The following DST variants were observed in gnomAD, a reference collection of about 807,000 sequenced individuals.
DST encodes the protein bullous pemphigoid antigen.
In DST, 253 loss-of-function variants were observed where a neutral mutation model predicts 875.2. The ratio of observed to expected loss-of-function variants is 0.29; its 90% CI spans 0.26 to 0.32. The LOEUF (loss-of-function observed/expected upper bound fraction) is 0.32. Among genes scored for constraint, DST ranks in the 10% least tolerant of loss-of-function variants. DST has a pLI of 1.00. For missense variants in DST, 8,287 were observed against 9,111.6 expected, an observed-to-expected ratio of 0.91 and a Z score of 3.68; for synonymous variants, 3,124 against 3,197.1, an observed-to-expected ratio of 0.98 and a Z score of 0.77.
intron 36 of DST, chr6:56,620,425 A>T (rs763346852): frequency 6.2e-7 from 1 of 1,614,016 alleles, no homozygotes; most frequent in East Asian, 2.2e-5. Context: ...TCTCTCTCAC[A>T]ATGGTTTCAA....
intron 4 of DST, among the ~76,000 whole-genome samples, chr6:56,749,456 G>C (rs1405503225): frequency 2.6e-5 from 4 of 152,110 alleles, no homozygotes; most frequent in Non-Finnish European, 5.9e-5. Flanking sequence ...AACATAATCA[G>C]TTTTTCTTGA....
At chr6:56,879,637 T>C (rs527323467) in intron 3 of DST, among the ~76,000 whole-genome samples, 1 of 152,252 alleles carries the variant, frequency 6.6e-6, no homozygotes, top group Non-Finnish European at 1.5e-5. Context: ...GTTAATTCCA[T>C]CTTATATCAT....
chr6:56,702,086 A>AT (rs1261802580), intron 7 of DST, 121 bp from the exon 8 acceptor site: 19 of 555,166 alleles, frequency 3.4e-5, no homozygotes, highest in Non-Finnish European at 5.3e-5. Context: ...AGGTAAGGCC[A>AT]TAAGATTTTC....
intron 2 of DST, among the ~76,000 whole-genome samples, chr6:56,905,442 C>G (rs1184779650): frequency 6.6e-6 from 1 of 152,100 alleles, no homozygotes; most frequent in Non-Finnish European, 1.5e-5. Flanking sequence ...TGGCAACTAC[C>G]ATTCTACTCT....
intron 100 of DST, chr6:56,463,990 T>C (rs1323991446): frequency 7.7e-6 from 5 of 645,478 alleles, no homozygotes; most frequent in South Asian, 1.5e-5. Flanking sequence ...AAAAATAAAG[T>C]GTGCTTATTC....
intron 53 of DST, 108 bp from the exon 54 acceptor site, chr6:56,570,120 C>T (rs770969387): frequency 3.0e-5 from 23 of 778,400 alleles, no homozygotes; most frequent in Non-Finnish European, 4.2e-5. Context: ...GTACTCTAAC[C>T]CTTTGATACA....
chr6:56,557,117 A>T (rs1405209891), intron 59 of DST, among the ~76,000 whole-genome samples: 2 of 152,230 alleles, frequency 1.3e-5, no homozygotes, highest in African/African-American at 4.8e-5. Context: ...GAGGCCTCTA[A>T]GATGCCTTAT....
chr6:56,562,571 T>G (rs1242429233), intron 55 of DST, among the ~76,000 whole-genome samples: 3 of 151,630 alleles, frequency 2.0e-5, no homozygotes, highest in Non-Finnish European at 4.4e-5. Flanking sequence ...TTTAGTTTTT[T>G]TTTAATTTGT....
chr6:56,515,488 C>T lies in DST; in HGVS notation c.18538G>A (p.Glu6180Lys). The change falls in exon 72 of 104, where the codon GAA (glutamate) becomes AAA (lysine). Residue 6180 changes from glutamate to lysine, a missense_variant. Physicochemically the swap from Glu to Lys is moderately conservative, Grantham distance 56. Around this residue, in one of 10 missense-constraint regions of DST, gnomAD observed 1,292 missense variants for 1,552.7 expected, o/e 0.83. Transcript: ENST00000680361. ...IISQLPAPAL[E>K]YETLRQQQEE... Reference sequence around the variant, plus strand: ...TGCTGCTGCCTTAGAGTTTCATATTCAAGGGCTGGGGCGGGAAGCTGAGAG... The same window carrying T: ...TGCTGCTGCCTTAGAGTTTCATATTTAAGGGCTGGGGCGGGAAGCTGAGAG... 1 of 1,613,892 alleles carries T rather than the reference C, an allele frequency of 6.2e-7. No homozygotes were observed. The highest frequency in any genetic ancestry group is 1.1e-5 in the South Asian group (1 of 91,076).
chr6:56,658,183 C>T (rs1045149785), intron 10 of DST, among the ~76,000 whole-genome samples: 1 of 152,158 alleles, frequency 6.6e-6, no homozygotes, highest in Non-Finnish European at 1.5e-5. Flanking sequence ...CTGCCTCAGC[C>T]CAGCCTCCCG....
At chr6:56,770,290 T>C (rs998826165) in intron 4 of DST, among the ~76,000 whole-genome samples, 2 of 152,228 alleles carry the variant, frequency 1.3e-5, no homozygotes, top group Admixed American at 1.3e-4. Flanking sequence ...TTTCAACATT[T>C]GGTCTGTTTG....
chr6:56,941,770 C>T (rs554146880), intron 2 of DST, among the ~76,000 whole-genome samples: 5 of 152,142 alleles, frequency 3.3e-5, no homozygotes, highest in East Asian at 3.9e-4. Context: ...CATGAGCCAC[C>T]GTGCCTGGCC....
Position 56,512,258 on chromosome 6 carries a change from G to A in DST, c.18577-858C>T, listed in dbSNP as rs115285613. 9.0e-3 allele frequency among the ~76,000 whole-genome samples: 1,371 copies of A among 152,274 alleles called. 21 individuals are homozygous for A. The highest frequency in any genetic ancestry group is 0.032 in the African/African-American group (1,316 of 41,536). On this transcript the variant is annotated intron_variant, in intron 72 of 103. Coordinates refer to ENST00000680361, the MANE Select transcript of DST (RefSeq NM_001374736.1). ...AATACAATGATATTTATACTAGTGC[G>A]TGGGTGTAGAATTCAAGTGGATCCC...
At chr6:56,933,633 T>A (rs1385660044) in intron 2 of DST, among the ~76,000 whole-genome samples, 1 of 152,082 alleles carries the variant, frequency 6.6e-6, no homozygotes, top group Non-Finnish European at 1.5e-5. Flanking sequence ...TAAGTAGAAA[T>A]GGGAGTTTGC....
chr6:56,634,553 C>T lies in DST; in HGVS notation c.3403G>A (p.Val1135Ile), dbSNP rs1379581084. The change falls in exon 26 of 104, where the codon GTC (valine) becomes ATC (isoleucine). Residue 1135 changes from valine to isoleucine, a missense_variant. Physicochemically the swap from Val to Ile is conservative, Grantham distance 29. This residue lies in a region of DST where 1,160 missense variants were observed against 1,424.3 expected (regional missense o/e 0.81). Transcript: ENST00000680361. ...GCCTCATTCCCAGTAGGACTAATGACCTTCCATTTAGCACGATGAGAGTTA... is the reference window on the plus strand; with the variant it reads ...GCCTCATTCCCAGTAGGACTAATGATCTTCCATTTAGCACGATGAGAGTTA... ...ANNSHRAKWK[V>I]ISPTGNEAMV... 2 of 1,614,040 alleles carry T rather than the reference C, an allele frequency of 1.2e-6. No individual in the cohort carries two copies. The highest frequency in any genetic ancestry group is 4.5e-5 in the East Asian group (2 of 44,894).
chr6:56,498,613 C>A (rs1052531803), intron 80 of DST, among the ~76,000 whole-genome samples: 2 of 152,032 alleles, frequency 1.3e-5, no homozygotes, highest in South Asian at 4.1e-4. Flanking sequence ...TAGTTTAATT[C>A]TCATGTCAAG....
intron 3 of DST, among the ~76,000 whole-genome samples, chr6:56,881,134 C>A (rs113795599): frequency 0.018 from 2,747 of 152,120 alleles, 83 homozygotes; most frequent in African/African-American, 0.063. Flanking sequence ...CAGGCATGAG[C>A]CACCACGCCC....
chr6:56,722,362 A>ATGTTTGTTTGTT (rs34299400), intron 5 of DST, among the ~76,000 whole-genome samples: 45 of 146,486 alleles, frequency 3.1e-4, no homozygotes, highest in African/African-American at 1.1e-3. Flanking sequence ...AAAGTAGTAC[A>ATGTTTGTTTGTT]TGTTTGTTTA....
At chr6:56,846,159 A>G (rs2099806942) in intron 4 of DST, among the ~76,000 whole-genome samples, 2 of 152,246 alleles carry the variant, frequency 1.3e-5, no homozygotes, top group African/African-American at 4.8e-5. Flanking sequence ...AAGTGCTTAG[A>G]AGAACATCTG....
Sources: allele counts gnomAD v4.1 joint callset (sites outside exome capture counted in the v4.1 genomes callset), GRCh38; gene constraint gnomAD v4.1.1; regional missense constraint gnomAD v4.1.1; transcripts MANE v1.5; gene names NCBI Gene and HGNC (gene_info 2026-07-23, HGNC 2026-07-21).